Variants in PDE8B observed in about 807,000 individuals in gnomAD.
The protein encoded by PDE8B is phosphodiesterase 8B, also known as high affinity cAMP-specific and IBMX-insensitive 3',5'-cyclic phosphodiesterase 8B.
A neutral mutation model predicts 101.3 loss-of-function variants in PDE8B; 26 were observed. The observed-to-expected ratio is 0.26, with a 90% confidence interval of 0.19 to 0.36. PDE8B has a LOEUF of 0.36. Among genes scored for constraint, PDE8B ranks in the 10% least tolerant of loss-of-function variants. The probability of loss-of-function intolerance (pLI) is 1.00; values close to 1 mark genes in which losing one functional copy is unlikely to be tolerated. For synonymous variants in PDE8B, 424 were observed against 429.3 expected, an observed-to-expected ratio of 0.99 and a Z score of 0.15; for missense variants, 810 against 1,163.1, an observed-to-expected ratio of 0.70 and a Z score of 4.42.
chr5:77,207,220 G>A (rs887206934), upstream of PDE8B, among the ~76,000 whole-genome samples: 1 of 152,210 alleles, frequency 6.6e-6, no homozygotes, highest in Non-Finnish European at 1.5e-5. Context: ...TCAGATAGCT[G>A]CTATTGTTTT....
chr5:77,367,708 T>C (rs1395960063), intron 10 of PDE8B, among the ~76,000 whole-genome samples: 2 of 152,096 alleles, frequency 1.3e-5, no homozygotes, highest in East Asian at 3.9e-4. Flanking sequence ...TTTTTGTATT[T>C]TTAGTAGAGA....
intron 5 of PDE8B, among the ~76,000 whole-genome samples, chr5:77,335,690 C>T (rs921177834): frequency 2.6e-5 from 4 of 151,988 alleles, no homozygotes; most frequent in African/African-American, 7.3e-5. Context: ...ATATAGCTAC[C>T]GGAGAAGCAA....
intron 10 of PDE8B, among the ~76,000 whole-genome samples, chr5:77,366,568 C>A (rs758652438): frequency 6.6e-6 from 1 of 152,148 alleles, no homozygotes; most frequent in African/African-American, 2.4e-5. Context: ...GTCAGGGGCT[C>A]TTCCTCTGTG....
At chr5:77,222,323 T>TA (rs61457830) in intron 1 of PDE8B, among the ~76,000 whole-genome samples, 26 of 151,236 alleles carry the variant, frequency 1.7e-4, no homozygotes, top group Middle Eastern at 3.4e-3. Flanking sequence ...TTTGGAGTGA[T>TA]AAAAAAAATG....
chr5:77,143,744 T>A, the PDE8B span: 1 of 152,002 alleles, frequency 6.6e-6, no homozygotes, highest in South Asian at 2.1e-4. Context: ...AGGAAATGAG[T>A]TTAAACAGCA....
At chr5:77,206,681 C>T (rs1381971175), upstream of PDE8B, among the ~76,000 whole-genome samples, 1 of 152,064 alleles carries the variant, frequency 6.6e-6, no homozygotes, top group South Asian at 2.1e-4. Context: ...CTTATAAGGA[C>T]TTAAACTTCA....
At chr5:77,365,589 C>G (rs907243753) in intron 10 of PDE8B, among the ~76,000 whole-genome samples, 3 of 152,202 alleles carry the variant, frequency 2.0e-5, no homozygotes, top group South Asian at 2.1e-4. Context: ...TAAATACTTG[C>G]ATCCAGGCAG....
chr5:77,407,536 C>T (rs1466844925), intron 13 of PDE8B, 79 bp downstream of exon 13: 3 of 991,684 alleles, frequency 3.0e-6, no homozygotes, highest in Non-Finnish European at 3.2e-6. Context: ...ATCACACTGA[C>T]ATCATGGAGC....
chr5:77,324,003 A>C (rs1363032320), intron 2 of PDE8B, among the ~76,000 whole-genome samples: 1 of 152,184 alleles, frequency 6.6e-6, no homozygotes, highest in Non-Finnish European at 1.5e-5. Context: ...CAAATGTAAT[A>C]GTAATGATTG....
At chr5:77,107,930 C>G in the PDE8B span, among the ~76,000 whole-genome samples, 2 of 152,126 alleles carry the variant, frequency 1.3e-5, no homozygotes, top group African/African-American at 4.8e-5. Context: ...TTCCCCTCCC[C>G]CTCCCACCAC....
chr5:77,089,739 G>A, the PDE8B span, among the ~76,000 whole-genome samples: 17 of 152,132 alleles, frequency 1.1e-4, no homozygotes, highest in South Asian at 2.1e-4. Flanking sequence ...ACAGTATGGC[G>A]GCTTCTCAGA....
At chr5:77,346,010 G>A (rs1780086649) in intron 7 of PDE8B, among the ~76,000 whole-genome samples, 1 of 152,168 alleles carries the variant, frequency 6.6e-6, no homozygotes, top group African/African-American at 2.4e-5. Flanking sequence ...TTCAATAAGG[G>A]TAGGCAAGAG....
At position 77,270,613 on chromosome 5, in the gene PDE8B, T is replaced by C. The variant is rs192150748; in HGVS notation, c.340-41381T>C. Among the ~76,000 whole-genome samples, 321 of 152,318 alleles carry C rather than the reference T, an allele frequency of 2.1e-3. 1 individual carries two copies. Among genetic ancestry groups the C allele is most frequent in the African/African-American group, 7.1e-3 (294 of 41,568 alleles). ...GACCCTGAAGCTTCTGGATCTTGCT[T>C]GTAATTGTCCACTCTGTTCAACAAG... is the stretch of plus-strand genomic sequence containing the variant. On this transcript the variant is annotated intron_variant, in intron 1 of 21. Coordinates refer to ENST00000264917, the MANE Select transcript of PDE8B (RefSeq NM_003719.5).
intron 10 of PDE8B, among the ~76,000 whole-genome samples, chr5:77,398,766 G>A (rs1451657955): frequency 6.6e-6 from 1 of 152,212 alleles, no homozygotes; most frequent in Admixed American, 6.5e-5. Context: ...GGCATTTGGG[G>A]TCATCCCCAC....
chr5:77,400,239 C>T lies in PDE8B; in HGVS notation c.1168-9C>T, dbSNP rs573997104. ...TCTCTTGTTTTATCAAACTTTTGAA[C>T]GACTTTAGATTCACAAGATTCATCG... On this transcript the variant is annotated splice_polypyrimidine_tract_variant and intron_variant, in intron 10 of 21. Coordinates refer to ENST00000264917, the MANE Select transcript of PDE8B (RefSeq NM_003719.5). The T allele has an allele frequency of 5.4e-5, 85 of 1,587,580 alleles. 1 individual carries two copies. The highest frequency in any genetic ancestry group is 6.3e-5 in the Non-Finnish European group (73 of 1,156,106).
intron 2 of PDE8B, among the ~76,000 whole-genome samples, chr5:77,318,487 A>G (rs1215975310): frequency 6.6e-6 from 1 of 152,190 alleles, no homozygotes; most frequent in Non-Finnish European, 1.5e-5. Context: ...AGCTATGGAC[A>G]AGTTTTTTAA....
At chr5:77,164,108 A>G in the PDE8B span, among the ~76,000 whole-genome samples, 1 of 152,262 alleles carries the variant, frequency 6.6e-6, no homozygotes, top group Non-Finnish European at 1.5e-5. Context: ...AGTGAAGAGC[A>G]CAGGGGTTGA....
At chr5:77,346,895 A>T (rs1461013672) in intron 7 of PDE8B, among the ~76,000 whole-genome samples, 1 of 152,198 alleles carries the variant, frequency 6.6e-6, no homozygotes, top group Non-Finnish European at 1.5e-5. Flanking sequence ...TCATCATTGG[A>T]TGGGATAGTT....
At chr5:77,137,584 C>T in the PDE8B span, among the ~76,000 whole-genome samples, 6 of 152,214 alleles carry the variant, frequency 3.9e-5, no homozygotes, top group Admixed American at 6.5e-5. Context: ...AGTGTCTTCA[C>T]GCAAAGTAAG....
Sources: gnomAD v4.1 joint callset for allele counts (sites outside exome capture counted in the v4.1 genomes callset) on GRCh38, gnomAD v4.1.1 for gene constraint, MANE v1.5 for transcripts, NCBI Gene and HGNC (gene_info 2026-07-23, HGNC 2026-07-21) for gene names.